The following TMEM213 variants were observed in gnomAD, a reference collection of about 807,000 sequenced individuals.
TMEM213 encodes the protein transmembrane protein 213.
TMEM213 carries 7 observed loss-of-function variants against 11.6 expected under a neutral mutation model. That is an observed-to-expected ratio of 0.60 (90% CI 0.34 to 1.13). TMEM213 has a LOEUF of 1.13. TMEM213 is among the 50% of genes most tolerant of loss of function. The pLI, the probability that TMEM213 is intolerant of heterozygous loss-of-function variation, is 0.03. For synonymous variants in TMEM213, 60 were observed against 58.3 expected, an observed-to-expected ratio of 1.03 and a Z score of -0.13; for missense variants, 129 against 139.0, an observed-to-expected ratio of 0.93 and a Z score of 0.36.
At position 138,804,339 on chromosome 7, in the gene TMEM213, A is replaced by C. The variant is rs1809040494; in HGVS notation, c.*1270A>C. The C allele has an allele frequency of 6.6e-6, 1 of 152,340 alleles. No homozygotes were observed. Among genetic ancestry groups the C allele is most frequent in the Non-Finnish European group, 1.5e-5 (1 of 68,176 alleles). The allele number at this position is 152,340 out of a possible 1,614,324, so 9.4% of individuals were successfully genotyped here. A position where few individuals can be genotyped will look rare whatever the true frequency, so the allele number is the denominator to read the frequency against. On this transcript the variant is annotated 3_prime_UTR_variant, in exon 3 of 3. Coordinates refer to ENST00000442682, the MANE Select transcript of TMEM213 (RefSeq NM_001085429.2). ...AAGGATTCCGACTGGTCCACTCCTC[A>C]TCCTGGTGTCTTCAGCTTCTCTGCT...
chr7:138,802,872 G>A (rs536212784), intron 2 of TMEM213, 28 bp from the exon 3 acceptor site: 146 of 1,527,022 alleles, frequency 9.6e-5, no homozygotes, highest in African/African-American at 8.6e-4. Flanking sequence ...GGTGCATGCC[G>A]TCGTCCTTGC....
intron 2 of TMEM213, among the ~76,000 whole-genome samples, chr7:138,802,156 A>G (rs1252549289): frequency 8.3e-6 from 1 of 120,482 alleles, no homozygotes; most frequent in Non-Finnish European, 1.8e-5. Context: ...ACACAGTGAG[A>G]CTCCCTCTCA....
intron 1 of TMEM213, among the ~76,000 whole-genome samples, chr7:138,798,528 C>G (rs928400418): frequency 2.0e-5 from 3 of 152,116 alleles, no homozygotes; most frequent in Non-Finnish European, 4.4e-5. Context: ...TCTCTTGGTC[C>G]GCTGTGTCCT....
chr7:138,804,866 C>A lies in TMEM213; in HGVS notation c.*1797C>A, dbSNP rs1809050719. 6.6e-6 allele frequency: 1 copy of A among 152,110 alleles called. No homozygotes were observed. Among genetic ancestry groups the A allele is most frequent in the Non-Finnish European group, 1.5e-5 (1 of 68,024 alleles). 9.4% of individuals were successfully genotyped at this position (152,110 alleles called of 1,614,324 possible). A position where few individuals can be genotyped will look rare whatever the true frequency, so the allele number is the denominator to read the frequency against. On this transcript the variant is annotated 3_prime_UTR_variant, in exon 3 of 3. Transcript: ENST00000442682. ...CAGGTTCATCAGAAGAAAGAAAGGA[C>A]AAAATGACTCCTTATGAAGCATTTT... is the stretch of plus-strand genomic sequence containing the variant.
At position 138,806,075 on chromosome 7, in the gene TMEM213, C is replaced by T. The variant is rs1158004395; in HGVS notation, c.*3006C>T. On this transcript the variant is annotated 3_prime_UTR_variant, in exon 3 of 3. Coordinates refer to ENST00000442682, the MANE Select transcript of TMEM213 (RefSeq NM_001085429.2). Reference sequence around the variant, plus strand: ...GGAAGGAGAGAACGAATCAATACAACCACTCTTTTCCTTGAGACTGCAAAG... The same window carrying T: ...GGAAGGAGAGAACGAATCAATACAATCACTCTTTTCCTTGAGACTGCAAAG... 6.6e-6 allele frequency: 1 copy of T among 152,174 alleles called. No individual in the cohort carries two copies. Among genetic ancestry groups the T allele is most frequent in the African/African-American group, 2.4e-5 (1 of 41,434 alleles). The allele number at this position is 152,174 out of a possible 1,614,324, so 9.4% of individuals were successfully genotyped here.
rs2130274375 is a variant in TMEM213, at chr7:138,806,021, T to C, written c.*2952T>C. ...CTCACATTAAAATGTAGGCATTTTGTCAATTGCTTTTCTTTCATCTGCACA... is the reference window on the plus strand; with the variant it reads ...CTCACATTAAAATGTAGGCATTTTGCCAATTGCTTTTCTTTCATCTGCACA... On this transcript the variant is annotated 3_prime_UTR_variant, in exon 3 of 3. Transcript: ENST00000442682. 6.6e-6 allele frequency: 1 copy of C among 152,316 alleles called. No homozygotes were observed. Among genetic ancestry groups the C allele is most frequent in the South Asian group, 2.1e-4 (1 of 4,818 alleles). 9.4% of individuals were successfully genotyped at this position (152,316 alleles called of 1,614,324 possible).
At chr7:138,802,745 T>C (rs67675731) in intron 2 of TMEM213, among the ~76,000 whole-genome samples, 155 bp from the exon 3 acceptor site, 14,886 of 152,198 alleles carry the variant, frequency 0.098, 2,094 homozygotes, top group African/African-American at 0.31. Context: ...AGGCATAAGC[T>C]AACGTGTAAA....
intron 2 of TMEM213, among the ~76,000 whole-genome samples, chr7:138,802,654 T>A (rs1808985543): frequency 6.6e-6 from 1 of 152,048 alleles, no homozygotes; most frequent in Non-Finnish European, 1.5e-5. Context: ...TCTTCTGCCA[T>A]CTTGTGATCT....
At position 138,803,270 on chromosome 7, in the gene TMEM213, T is replaced by G. The variant is rs1809006347; in HGVS notation, c.*201T>G. The G allele has an allele frequency of 3.3e-6, 2 of 612,650 alleles. No individual in the cohort carries two copies. Among genetic ancestry groups the G allele is most frequent in the South Asian group, 3.9e-5 (2 of 50,644 alleles). 38.0% of individuals were successfully genotyped at this position (612,650 alleles called of 1,614,324 possible). A position where few individuals can be genotyped will look rare whatever the true frequency, so the allele number is the denominator to read the frequency against. ...CTTGCATGTCACTCCCAAGGGCCCC[T>G]GGGCTGTGCCCAGGTAACTCCTCTC... is the stretch of plus-strand genomic sequence containing the variant. On this transcript the variant is annotated 3_prime_UTR_variant, in exon 3 of 3. Transcript: ENST00000442682.
At position 138,803,121 on chromosome 7, in the gene TMEM213, G is replaced by C; in HGVS notation, c.*52G>C. The C allele has an allele frequency of 6.3e-7, 1 of 1,577,086 alleles. No individual in the cohort carries two copies. On this transcript the variant is annotated 3_prime_UTR_variant, in exon 3 of 3. Transcript: ENST00000442682. ...GATCGCCACCAATTTGTGGCTAATG[G>C]GGAAGGGGAGTAAGGCTAACATGGT...
chr7:138,798,248 G>A (rs1410669124), intron 1 of TMEM213, 62 bp downstream of exon 1: 15 of 1,477,022 alleles, frequency 1.0e-5, no homozygotes, highest in Admixed American at 2.0e-5. Context: ...GGGAAGAGAG[G>A]TGGGAGGGAA....
chr7:138,799,000 C>T (rs567129574), intron 1 of TMEM213, among the ~76,000 whole-genome samples: 136 of 152,270 alleles, frequency 8.9e-4, no homozygotes, highest in African/African-American at 3.2e-3. Context: ...GTAGCCACTG[C>T]CAGGGGTGTT....
chr7:138,802,009 G>C (rs2004723), intron 2 of TMEM213, among the ~76,000 whole-genome samples: 99,823 of 151,838 alleles, frequency 0.66, 32,999 homozygotes, highest in African/African-American at 0.72. Flanking sequence ...ATTAAAAATA[G>C]AAAAAAATTA....
At chr7:138,800,209 C>T (rs1808887061) in intron 1 of TMEM213, among the ~76,000 whole-genome samples, 1 of 152,078 alleles carries the variant, frequency 6.6e-6, no homozygotes, top group Non-Finnish European at 1.5e-5. Flanking sequence ...CAATGGAACC[C>T]TTGGCATGGG....
At position 138,805,168 on chromosome 7, in the gene TMEM213, T is replaced by G. The variant is rs994988251; in HGVS notation, c.*2099T>G. ...GGGATGGATTTCTTGTTCCTAAGTG[T>G]TAAATGATCACATACATAAAAGAGT... On this transcript the variant is annotated 3_prime_UTR_variant, in exon 3 of 3. Transcript: ENST00000442682. The G allele has an allele frequency of 6.6e-6, 1 of 151,658 alleles. No homozygotes were observed. Among genetic ancestry groups the G allele is most frequent in the Non-Finnish European group, 1.5e-5 (1 of 67,990 alleles). The allele number at this position is 151,658 out of a possible 1,614,324, so 9.4% of individuals were successfully genotyped here.
Position 138,803,246 on chromosome 7 carries a change from T to A in TMEM213, c.*177T>A. The A allele has an allele frequency of 1.3e-6, 1 of 786,554 alleles. No individual in the cohort carries two copies. Among genetic ancestry groups the A allele is most frequent in the Non-Finnish European group, 2.0e-6 (1 of 509,328 alleles). 48.7% of individuals were successfully genotyped at this position (786,554 alleles called of 1,614,324 possible). On this transcript the variant is annotated 3_prime_UTR_variant, in exon 3 of 3. Transcript: ENST00000442682. ...CAAATAAGGCAAGCCAGTGCTGCCC[T>A]TGCATGTCACTCCCAAGGGCCCCTG... is the stretch of plus-strand genomic sequence containing the variant.
rs1419317084 is a variant in TMEM213 at position 138,798,129 on chromosome 7, C to T, written c.25C>T (p.Arg9Trp). Reference protein sequence around the residue: MQRLPAATRATLILSLAFA... With the variant: MQRLPAATWATLILSLAFA... ...CATGCAGCGCCTCCCCGCTGCCACCCGGGCCACCCTGATCCTCAGCCTGGC... is the reference window on the plus strand; with the variant it reads ...CATGCAGCGCCTCCCCGCTGCCACCTGGGCCACCCTGATCCTCAGCCTGGC... Residue 9 changes from arginine to tryptophan, a missense_variant, in exon 1 of 3, where the codon CGG (arginine) becomes TGG (tryptophan). By Grantham distance (101) the Arg-to-Trp change is moderately radical (BLOSUM62 -3). Transcript: ENST00000442682. 5.6e-6 allele frequency: 9 copies of T among 1,601,542 alleles called. No individual in the cohort carries two copies. The highest frequency in any genetic ancestry group is 4.0e-5 in the African/African-American group (3 of 74,822).
rs1809078647 is a variant in TMEM213 at position 138,805,353 on chromosome 7, C to T, written c.*2284C>T. The T allele has an allele frequency of 6.6e-6, 1 of 150,752 alleles. No individual in the cohort carries two copies. Among genetic ancestry groups the T allele is most frequent in the Non-Finnish European group, 1.5e-5 (1 of 67,918 alleles). The allele number at this position is 150,752 out of a possible 1,614,324, so 9.3% of individuals were successfully genotyped here. A position where few individuals can be genotyped will look rare whatever the true frequency, so the allele number is the denominator to read the frequency against. On this transcript the variant is annotated 3_prime_UTR_variant, in exon 3 of 3. Transcript: ENST00000442682. ...AAAGCTGCAGTGAGCCATGTTTGTG[C>T]CACTGCACTCCAGCCTGGGCAACAA...
chr7:138,803,396 T>G lies in TMEM213; in HGVS notation c.*327T>G. The G allele has an allele frequency of 3.7e-6, 1 of 267,612 alleles. No individual in the cohort carries two copies. Among genetic ancestry groups the G allele is most frequent in the Non-Finnish European group, 7.1e-6 (1 of 139,924 alleles). 16.6% of individuals were successfully genotyped at this position (267,612 alleles called of 1,614,324 possible). On this transcript the variant is annotated 3_prime_UTR_variant, in exon 3 of 3. Coordinates refer to ENST00000442682, the MANE Select transcript of TMEM213 (RefSeq NM_001085429.2). ...AAGACTTAGTCTCATCATCAACATT[T>G]TCAGAAGCAAGTGCATAACCTTCTC...
Sources: gnomAD v4.1 joint callset for allele counts (sites outside exome capture counted in the v4.1 genomes callset) on GRCh38, gnomAD v4.1.1 for gene constraint, MANE v1.5 for transcripts, NCBI Gene and HGNC (gene_info 2026-07-23, HGNC 2026-07-21) for gene names.